Variants in PUDP observed in about 807,000 individuals in gnomAD.
PUDP encodes the protein pseudouridine 5'-phosphatase, also known as pseudouridine-5'-phosphatase.
A neutral mutation model predicts 9.4 loss-of-function variants in PUDP; 8 were observed. The ratio of observed to expected loss-of-function variants is 0.85; its 90% CI spans 0.50 to 1.53. The LOEUF is 1.53. Ranked by LOEUF, PUDP falls within the 40% of genes most tolerant of loss-of-function variation. PUDP has a pLI of 0.00. For synonymous variants in PUDP, 99 were observed against 80.7 expected, an observed-to-expected ratio of 1.23 and a Z score of -1.22; for missense variants, 188 against 189.7, an observed-to-expected ratio of 0.99 and a Z score of 0.05.
At chrX:6,889,201 G>GT (rs1355450109) in intron 3 of PUDP, among the ~76,000 whole-genome samples, 2 of 112,074 alleles carry the variant, frequency 1.8e-5, no homozygotes, top group African/African-American at 6.5e-5. Flanking sequence ...TACTTGCTGG[G>GT]TTTTTTTCCT....
rs112405426 is a variant in PUDP, at chrX:6,998,231, A to C, written c.205-19888T>G. Among the ~76,000 whole-genome samples, 709 of 111,267 alleles carry C rather than the reference A, an allele frequency of 6.4e-3. 5 individuals are homozygous for C. The highest frequency in any genetic ancestry group is 0.022 in the African/African-American group (681 of 30,593). The stretch of plus-strand genomic sequence containing the variant: ...GGATGGTGTGGGAATCAGAGCTGCC[A>C]ATTTGGGGAAGCTGGGATGACGAGA... On this transcript the variant is annotated intron_variant and NMD_transcript_variant, in intron 1 of 3. Coordinates refer to the PUDP transcript ENST00000655425.
intron 1 of PUDP, among the ~76,000 whole-genome samples, chrX:7,016,595 T>C (rs1419397572): frequency 2.7e-5 from 3 of 111,046 alleles, no homozygotes; most frequent in Non-Finnish European, 3.8e-5. Flanking sequence ...TAGAGAGTGG[T>C]CTATACCTTT....
At chrX:6,956,683 G>A (rs73629015) in intron 3 of PUDP, among the ~76,000 whole-genome samples, 3,594 of 111,374 alleles carry the variant, frequency 0.032, 139 homozygotes, top group African/African-American at 0.11. Flanking sequence ...TTGCTGTTAC[G>A]GTGTACAAAA....
chrX:6,939,332 C>A (rs1928363001), intron 3 of PUDP, among the ~76,000 whole-genome samples: 4 of 104,869 alleles, frequency 3.8e-5, no homozygotes, highest in African/African-American at 1.0e-4. Context: ...TATTTAATAT[C>A]TATATTAATA....
At chrX:6,735,784 T>G (rs7052480) in intron 3 of PUDP, among the ~76,000 whole-genome samples, 42,797 of 109,911 alleles carry the variant, frequency 0.39, 8,709 homozygotes, top group African/African-American at 0.79. Context: ...TGTACAGCTT[T>G]CCAAATAGGG....
intron 2 of PUDP, among the ~76,000 whole-genome samples, chrX:7,078,959 A>T (rs1396587242): frequency 8.9e-6 from 1 of 112,234 alleles, no homozygotes; most frequent in Non-Finnish European, 1.9e-5. Flanking sequence ...AATGATAGAG[A>T]CAGATGGAAT....
At chrX:6,918,458 CA>C (rs33975027) in intron 3 of PUDP, among the ~76,000 whole-genome samples, 84 of 103,548 alleles carry the variant, frequency 8.1e-4, no homozygotes, top group South Asian at 3.3e-3. Context: ...CTTTGAAATA[CA>C]AAAAAAAAAA....
upstream of PUDP, among the ~76,000 whole-genome samples, chrX:6,723,096 T>A (rs1365799143): frequency 2.7e-5 from 3 of 110,499 alleles, no homozygotes. Context: ...ACACAAAGTA[T>A]TGTTTGCAGT....
At chrX:6,863,071 G>A (rs1009264852) in intron 3 of PUDP, among the ~76,000 whole-genome samples, 1 of 111,622 alleles carries the variant, frequency 9.0e-6, no homozygotes, top group African/African-American at 3.3e-5. Context: ...GAAGGAGTCT[G>A]CTATGTTGCC....
At chrX:7,109,892 A>C (rs944798003) in intron 1 of PUDP, among the ~76,000 whole-genome samples, 8 of 112,925 alleles carry the variant, frequency 7.1e-5, no homozygotes, top group African/African-American at 2.6e-4. Flanking sequence ...AGGAAAGGTC[A>C]TATTGTTTTT....
intron 1 of PUDP, among the ~76,000 whole-genome samples, chrX:6,711,061 G>A (rs1237286710): frequency 8.9e-6 from 1 of 112,050 alleles, no homozygotes. Context: ...TCAGGGACAA[G>A]AGAAAACATC....
chrX:7,060,620 C>T (rs1474267870), intron 3 of PUDP, among the ~76,000 whole-genome samples: 1 of 112,302 alleles, frequency 8.9e-6, no homozygotes, highest in Non-Finnish European at 1.9e-5. Context: ...GAAGGTCCCG[C>T]AAAGCAGCAC....
chrX:6,950,070 G>T (rs959271093), intron 3 of PUDP, among the ~76,000 whole-genome samples: 2 of 111,088 alleles, frequency 1.8e-5, no homozygotes, highest in Admixed American at 1.9e-4. Context: ...GGGTGTGGCA[G>T]CTCACACCTG....
At chrX:6,712,214 A>C (rs1354870597) in intron 1 of PUDP, among the ~76,000 whole-genome samples, 1 of 111,926 alleles carries the variant, frequency 8.9e-6, no homozygotes, top group African/African-American at 3.2e-5. Context: ...GCAGTGGCGT[A>C]ATGTCAGCTC....
chrX:6,775,546 G>T (rs1295545705), intron 3 of PUDP, among the ~76,000 whole-genome samples: 2 of 109,728 alleles, frequency 1.8e-5, no homozygotes, highest in Non-Finnish European at 3.8e-5. Flanking sequence ...TATAAAATAT[G>T]CCTAGGAGTG....
intron 3 of PUDP, among the ~76,000 whole-genome samples, chrX:6,829,749 T>C (rs1330575388): frequency 4.5e-5 from 5 of 111,343 alleles, no homozygotes; most frequent in Non-Finnish European, 7.5e-5. Context: ...TAAGACAGAA[T>C]ATTGATCCTT....
chrX:6,860,764 G>A (rs913380426), intron 3 of PUDP, among the ~76,000 whole-genome samples: 8 of 112,172 alleles, frequency 7.1e-5, no homozygotes, highest in African/African-American at 1.9e-4. Context: ...GAGCCACTGC[G>A]CCCAGCCAGC....
intron 3 of PUDP, among the ~76,000 whole-genome samples, chrX:6,915,305 T>A (rs1467686464): frequency 8.9e-6 from 1 of 112,094 alleles, no homozygotes; most frequent in African/African-American, 3.2e-5. Context: ...TTTCCCATAT[T>A]TTCAAAAAAA....
At chrX:6,900,590 A>AGG in intron 3 of PUDP, among the ~76,000 whole-genome samples, 1 of 105,808 alleles carries the variant, frequency 9.5e-6, no homozygotes, top group Non-Finnish European at 1.9e-5. Flanking sequence ...AGAGGGAGAG[A>AGG]AAGAGAGAGA....
Sources: gnomAD v4.1 joint callset for allele counts (sites outside exome capture counted in the v4.1 genomes callset) on GRCh38, gnomAD v4.1.1 for gene constraint, MANE v1.5 for transcripts, NCBI Gene and HGNC (gene_info 2026-07-23, HGNC 2026-07-21) for gene names.